Variants in CCNY observed in about 807,000 individuals in gnomAD.
The protein encoded by CCNY is cyclin Y.
Under a neutral mutation model 42.8 loss-of-function variants are expected in CCNY, and 19 were observed. The observed-to-expected ratio is 0.44, with a 90% CI of 0.31 to 0.65. The LOEUF (loss-of-function observed/expected upper bound fraction) is 0.65. CCNY is among the 30% of genes least tolerant of loss of function. The pLI is 0.07. For synonymous variants in CCNY, 165 were observed against 162.7 expected (o/e 1.01, Z -0.11); for missense variants, 370 against 437.3 (o/e 0.85, Z 1.37).
chr10:35,520,917 G>T (rs952330480), intron 4 of CCNY, among the ~76,000 whole-genome samples: 1 of 152,150 alleles, frequency 6.6e-6, no homozygotes, highest in Admixed American at 6.5e-5. Flanking sequence ...GCGGAGGGTG[G>T]TGGGGAGCCC....
At chr10:35,437,087 T>G (rs1395151848) in intron 1 of CCNY, among the ~76,000 whole-genome samples, 1 of 152,208 alleles carries the variant, frequency 6.6e-6, no homozygotes, top group Non-Finnish European at 1.5e-5. Context: ...GAGAACTCAC[T>G]ATCATGAGAA....
At chr10:35,495,280 T>C (rs1839983467) in intron 2 of CCNY, among the ~76,000 whole-genome samples, 1 of 152,258 alleles carries the variant, frequency 6.6e-6, no homozygotes, top group Non-Finnish European at 1.5e-5. Flanking sequence ...GCATTTCTTT[T>C]CTGATTAGCA....
intron 3 of CCNY, among the ~76,000 whole-genome samples, chr10:35,255,532 A>G (rs920590129): frequency 6.6e-6 from 1 of 151,814 alleles, no homozygotes; most frequent in Non-Finnish European, 1.5e-5. Flanking sequence ...TTCTGACCTC[A>G]GGTGATCCAC....
At chr10:35,352,065 G>T (rs1430364901) in intron 1 of CCNY, among the ~76,000 whole-genome samples, 2 of 152,190 alleles carry the variant, frequency 1.3e-5, no homozygotes, top group Non-Finnish European at 2.9e-5. Context: ...TTCGCCTTCA[G>T]TTCACTTATT....
At chr10:35,430,092 C>CT (rs1307411897) in intron 1 of CCNY, among the ~76,000 whole-genome samples, 7 of 151,778 alleles carry the variant, frequency 4.6e-5, no homozygotes, top group African/African-American at 1.4e-4. Flanking sequence ...AATCCCAGCA[C>CT]TTTGGGAGGC....
At chr10:35,270,667 T>C (rs1030825874) in intron 3 of CCNY, among the ~76,000 whole-genome samples, 1 of 151,996 alleles carries the variant, frequency 6.6e-6, no homozygotes, top group African/African-American at 2.4e-5. Flanking sequence ...CTAACTTCAG[T>C]GTGTAGCTGA....
At chr10:35,258,329 CT>C in intron 3 of CCNY, among the ~76,000 whole-genome samples, 1 of 152,294 alleles carries the variant, frequency 6.6e-6, no homozygotes, top group Admixed American at 6.5e-5. Flanking sequence ...GAGCCTGTGC[CT>C]TTCCCTGGGC....
chr10:35,433,735 C>G (rs1041750556), intron 1 of CCNY, among the ~76,000 whole-genome samples: 5 of 152,146 alleles, frequency 3.3e-5, no homozygotes, highest in Middle Eastern at 6.3e-3. Flanking sequence ...CCTCAGCCTC[C>G]CCAGTATCTG....
At chr10:35,471,633 TG>T (rs1263959582) in intron 1 of CCNY, among the ~76,000 whole-genome samples, 2 of 152,190 alleles carry the variant, frequency 1.3e-5, no homozygotes, top group African/African-American at 4.8e-5. Context: ...TATTTTACTT[TG>T]TGCTCAGCTG....
At chr10:35,521,701 T>C (rs566241096) in intron 4 of CCNY, among the ~76,000 whole-genome samples, 1 of 152,200 alleles carries the variant, frequency 6.6e-6, no homozygotes, top group Non-Finnish European at 1.5e-5. Flanking sequence ...ACAGGCTTTG[T>C]TGCACAGATT....
chr10:35,529,921 A>G (rs1840729316), intron 5 of CCNY, 52 bp from the exon 6 acceptor site: 2 of 1,459,612 alleles, frequency 1.4e-6, no homozygotes, highest in African/African-American at 2.8e-5. Flanking sequence ...GTTTTATTTG[A>G]ATGACATTCT....
In CCNY at chr10:35,483,480, T is replaced by G; in HGVS notation, c.229+2T>G. 6.3e-7 allele frequency: 1 copy of G among 1,577,766 alleles called. No individual in the cohort carries two copies. The highest frequency in any genetic ancestry group is 8.7e-7 in the Non-Finnish European group (1 of 1,149,486). Reference sequence around the variant, plus strand: ...TCCTCAGTAAATCTCAGACGGACGGTAGGTCCTTAATTTATGTTTCTTTTT... The same window carrying G: ...TCCTCAGTAAATCTCAGACGGACGGGAGGTCCTTAATTTATGTTTCTTTTT... On this transcript the variant is annotated splice_donor_variant, in intron 2 of 9. Coordinates refer to ENST00000374704, the MANE Select transcript of CCNY (RefSeq NM_145012.6). LOFTEE classifies it high-confidence loss of function.
chr10:35,256,433 C>A (rs946907453), intron 3 of CCNY, among the ~76,000 whole-genome samples: 12 of 152,006 alleles, frequency 7.9e-5, no homozygotes, highest in African/African-American at 2.9e-4. Flanking sequence ...TGGATTTATA[C>A]CACTTTAACT....
chr10:35,395,958 A>G (rs1484647844), intron 1 of CCNY, among the ~76,000 whole-genome samples: 1 of 151,876 alleles, frequency 6.6e-6, no homozygotes, highest in Non-Finnish European at 1.5e-5. Flanking sequence ...TGTGGGGTGC[A>G]TAGGGCCCCC....
intron 3 of CCNY, among the ~76,000 whole-genome samples, chr10:35,302,672 G>T (rs1366003121): frequency 6.6e-6 from 1 of 152,058 alleles, no homozygotes; most frequent in East Asian, 1.9e-4. Flanking sequence ...CAACTAGCAG[G>T]CACCCAAGGG....
At chr10:35,255,704 C>T (rs1253403429) in intron 3 of CCNY, among the ~76,000 whole-genome samples, 1 of 151,974 alleles carries the variant, frequency 6.6e-6, no homozygotes, top group African/African-American at 2.4e-5. Flanking sequence ...AAGTGATCCT[C>T]CCACCTCAGC....
At chr10:35,249,127 G>A (rs751471359) in intron 2 of CCNY, among the ~76,000 whole-genome samples, 3 of 151,970 alleles carry the variant, frequency 2.0e-5, no homozygotes, top group Non-Finnish European at 4.4e-5. Flanking sequence ...AGAGATGAGG[G>A]AGGCAGGTAT....
At chr10:35,512,115 T>C (rs940054639) in intron 3 of CCNY, among the ~76,000 whole-genome samples, 5 of 152,202 alleles carry the variant, frequency 3.3e-5, no homozygotes, top group Non-Finnish European at 7.3e-5. Flanking sequence ...ATAGAATCGA[T>C]AGCACTTGAT....
chr10:35,354,564 G>A (rs1836501908), intron 1 of CCNY, among the ~76,000 whole-genome samples: 1 of 152,182 alleles, frequency 6.6e-6, no homozygotes, highest in African/African-American at 2.4e-5. Flanking sequence ...ATTAAGTTGA[G>A]GGGACAGTAT....
Sources: allele counts gnomAD v4.1 joint callset (sites outside exome capture counted in the v4.1 genomes callset), GRCh38; gene constraint gnomAD v4.1.1; transcripts MANE v1.5; gene names NCBI Gene and HGNC (gene_info 2026-07-23, HGNC 2026-07-21).